CAST: variants seen among roughly 807,000 people sequenced by gnomAD.
CAST encodes calpastatin, also known as MIR583 host.
In CAST, 76 loss-of-function variants were observed where a neutral mutation model predicts 119.6. That is an observed-to-expected ratio of 0.64 (90% CI 0.53 to 0.77). CAST has a LOEUF of 0.77. Ranked by LOEUF, CAST falls within the 30% of genes least tolerant of loss-of-function variation. The pLI is 0.00. For synonymous variants in CAST, 319 were observed against 331.6 expected (o/e 0.96, Z 0.41); for missense variants, 953 against 946.5 (o/e 1.01, Z -0.09).
chr5:96,721,496 T>C (rs1175073434), intron 3 of CAST, among the ~76,000 whole-genome samples: 1 of 152,106 alleles, frequency 6.6e-6, no homozygotes, highest in Non-Finnish European at 1.5e-5. Context: ...CATGCTGCCC[T>C]GTGACTCAGC....
At chr5:95,977,460 CA>C in the CAST span, among the ~76,000 whole-genome samples, 1 of 152,204 alleles carries the variant, frequency 6.6e-6, no homozygotes, top group Non-Finnish European at 1.5e-5. Flanking sequence ...GGGAAATTCA[CA>C]CTGTGCTTAT....
At chr5:96,387,187 C>A in the CAST span, among the ~76,000 whole-genome samples, 1 of 152,146 alleles carries the variant, frequency 6.6e-6, no homozygotes, top group Admixed American at 6.6e-5. Context: ...AGAGTGCACA[C>A]CTCTAGCCTT....
At chr5:96,767,537 G>C in intron 28 of CAST, 55 bp downstream of exon 28, 1 of 1,392,482 alleles carries the variant, frequency 7.2e-7, no homozygotes, top group Non-Finnish European at 1.0e-6. Flanking sequence ...TAGCCATAGG[G>C]GTATTTGGCA....
At chr5:96,491,428 T>C in the CAST span, among the ~76,000 whole-genome samples, 1 of 130,008 alleles carries the variant, frequency 7.7e-6, no homozygotes. Flanking sequence ...GAGGCGGAGC[T>C]TGCAGTGAGC....
the CAST span, among the ~76,000 whole-genome samples, chr5:96,254,260 A>G: frequency 1.3e-5 from 2 of 152,094 alleles, no homozygotes; most frequent in Non-Finnish European, 2.9e-5. Context: ...AGGGCACAAA[A>G]CTACCATATA....
the CAST span, among the ~76,000 whole-genome samples, chr5:96,139,238 T>C: frequency 6.6e-6 from 1 of 151,892 alleles, no homozygotes; most frequent in Non-Finnish European, 1.5e-5. Context: ...TCTAAGATCT[T>C]CCTATATAAA....
intron 1 of CAST, among the ~76,000 whole-genome samples, chr5:96,618,875 C>A (rs1287527461): frequency 6.6e-6 from 1 of 152,234 alleles, no homozygotes; most frequent in Non-Finnish European, 1.5e-5. Flanking sequence ...GCAGGCAGCT[C>A]TGCCCGCAGC....
At chr5:96,445,958 A>G in the CAST span, among the ~76,000 whole-genome samples, 4 of 152,054 alleles carry the variant, frequency 2.6e-5, no homozygotes, top group Non-Finnish European at 5.9e-5. Flanking sequence ...AGCAATCCTC[A>G]CACTTCAGCC....
intron 1 of CAST, among the ~76,000 whole-genome samples, chr5:96,616,160 C>T (rs1010408709): frequency 1.3e-5 from 2 of 152,224 alleles, no homozygotes; most frequent in East Asian, 3.8e-4. Flanking sequence ...TTTGGCAACA[C>T]CCTCACAGAT....
chr5:96,538,266 T>C (rs1483082665), intron 1 of CAST, among the ~76,000 whole-genome samples: 1 of 152,188 alleles, frequency 6.6e-6, no homozygotes, highest in Non-Finnish European at 1.5e-5. Context: ...ACCAGTTAAT[T>C]TGAAGCATCT....
In CAST at chr5:96,730,880, C is replaced by T. The variant is rs779948590; in HGVS notation, c.630+20C>T. 34 of 1,568,414 alleles carry T rather than the reference C, an allele frequency of 2.2e-5. No individual in the cohort carries two copies. The South Asian group carries it at 2.2e-4, about 10-fold the overall frequency. On this transcript the variant is annotated intron_variant, in intron 9 of 31. Coordinates refer to ENST00000675179, the MANE Select transcript of CAST (RefSeq NM_001750.7). ...GACAAGGTGAGCACACACAAGCAGA[C>T]GGAAACGTGGGCCTCTGTGCTTCTC... is the stretch of plus-strand genomic sequence containing the variant.
At chr5:96,455,331 T>C in the CAST span, among the ~76,000 whole-genome samples, 1 of 152,214 alleles carries the variant, frequency 6.6e-6, no homozygotes, top group African/African-American at 2.4e-5. Context: ...TCATGTAAGC[T>C]TGTTCTCAGT....
In CAST at chr5:96,719,827, G is replaced by A. The variant is rs1375565541; in HGVS notation, c.211-2812G>A. Among the ~76,000 whole-genome samples the A allele has an allele frequency of 3.9e-5, 6 of 152,274 alleles. No individual in the cohort carries two copies. In the South Asian group the frequency reaches 6.2e-4, roughly 16 times the overall value. On this transcript the variant is annotated intron_variant, in intron 3 of 31. Coordinates refer to ENST00000675179, the MANE Select transcript of CAST (RefSeq NM_001750.7). ...AGATGGCCAAGCTCCCAGGCCTGGC[G>A]TACACAGCTCGGAGGGTCCTCGTGC...
chr5:96,494,238 G>T, the CAST span, among the ~76,000 whole-genome samples: 1 of 152,132 alleles, frequency 6.6e-6, no homozygotes, highest in Non-Finnish European at 1.5e-5. Context: ...CAATATAAAA[G>T]TAATGGTAAC....
chr5:96,555,489 C>A (rs182850515), intron 1 of CAST, among the ~76,000 whole-genome samples: 45 of 152,262 alleles, frequency 3.0e-4, no homozygotes, highest in South Asian at 1.5e-3. Context: ...AAGAAAGAGG[C>A]GACAGACGGC....
intron 1 of CAST, among the ~76,000 whole-genome samples, chr5:96,673,036 G>A (rs565479282): frequency 1.8e-4 from 27 of 152,332 alleles, no homozygotes; most frequent in African/African-American, 6.3e-4. Context: ...CCTTGTACCA[G>A]ACAAGAACAA....
intron 24 of CAST, among the ~76,000 whole-genome samples, chr5:96,760,095 T>C (rs928282002): frequency 2.6e-5 from 4 of 152,150 alleles, no homozygotes; most frequent in East Asian, 1.9e-4. Context: ...GGCATAAATA[T>C]GTCATGAAAA....
intron 1 of CAST, among the ~76,000 whole-genome samples, chr5:96,541,577 G>A (rs1375865592): frequency 6.6e-6 from 1 of 152,132 alleles, no homozygotes; most frequent in Non-Finnish European, 1.5e-5. Flanking sequence ...GTATTATACA[G>A]AACAGTTTCA....
chr5:96,549,070 C>T (rs1024494130), intron 1 of CAST, among the ~76,000 whole-genome samples: 10 of 152,114 alleles, frequency 6.6e-5, no homozygotes, highest in African/African-American at 1.4e-4. Flanking sequence ...TACTGGCAAG[C>T]GAAAATCTAC....
Sources: gnomAD v4.1 joint callset for allele counts (sites outside exome capture counted in the v4.1 genomes callset) on GRCh38, gnomAD v4.1.1 for gene constraint, MANE v1.5 for transcripts, NCBI Gene and HGNC (gene_info 2026-07-23, HGNC 2026-07-21) for gene names.